SLC8B1: variants seen among roughly 807,000 people sequenced by gnomAD.
SLC8B1 encodes the protein mitochondrial sodium/calcium exchanger protein.
Under a neutral mutation model 63.4 loss-of-function variants are expected in SLC8B1, and 52 were observed. That is an observed-to-expected ratio of 0.82 (90% CI 0.66 to 1.03). The LOEUF (loss-of-function observed/expected upper bound fraction) is 1.03. SLC8B1 is among the 50% of genes least tolerant of loss of function. SLC8B1 has a pLI of 0.00. For synonymous variants in SLC8B1, 336 were observed against 323.9 expected, an observed-to-expected ratio of 1.04 and a Z score of -0.40; for missense variants, 657 against 741.7, an observed-to-expected ratio of 0.89 and a Z score of 1.33.
chr12:113,318,850 A>T, intron 8 of SLC8B1, 114 bp downstream of exon 8: 1 of 738,628 alleles, frequency 1.4e-6, no homozygotes, highest in Non-Finnish European at 2.3e-6. Context: ...AAGAGCATGA[A>T]GAGGAGATGA....
intron 11 of SLC8B1, among the ~76,000 whole-genome samples, chr12:113,314,338 A>G (rs987888912): frequency 1.1e-4 from 16 of 152,248 alleles, no homozygotes; most frequent in Admixed American, 9.8e-4. Flanking sequence ...ACAGCACACA[A>G]CACCATGCCC....
chr12:113,304,228 G>A, intron 15 of SLC8B1, 93 bp downstream of exon 15: 1 of 1,181,402 alleles, frequency 8.5e-7, no homozygotes, highest in South Asian at 1.3e-5. Flanking sequence ...CTTAAGTGAT[G>A]GGACCCAGAT....
rs60824560 is a variant in SLC8B1, at chr12:113,306,066, C to CAAAAAAAA, written c.1492+421_1492+428dup. ...CGAGCCAGACTCCGTCCCCACCCTG[C>CAAAAAAAA]AAAAAAAAAAAAAAAAAAAAAAAAA... On this transcript the variant is annotated intron_variant, in intron 14 of 15. Coordinates refer to ENST00000680972, the MANE Select transcript of SLC8B1 (RefSeq NM_001358345.2). 2.2e-4 allele frequency among the ~76,000 whole-genome samples: 4 copies of CAAAAAAAA among 18,086 alleles called. 1 individual carries two copies. Among genetic ancestry groups the CAAAAAAAA allele is most frequent in the Non-Finnish European group, 4.9e-4 (4 of 8,176 alleles). The allele number at this position is 18,086 out of a possible 152,430, so 11.9% of individuals were successfully genotyped here.
At chr12:113,329,155 C>T (rs1957029538) in intron 2 of SLC8B1, among the ~76,000 whole-genome samples, 2 of 152,314 alleles carry the variant, frequency 1.3e-5, no homozygotes, top group South Asian at 4.1e-4. Flanking sequence ...TGCTGGGCAT[C>T]ATCTCACCCA....
Position 113,315,473 on chromosome 12 carries a change from G to A in SLC8B1, c.997C>T (p.Pro333Ser). 6.3e-7 allele frequency: 1 copy of A among 1,592,312 alleles called. No individual in the cohort carries two copies. Among genetic ancestry groups the A allele is most frequent in the South Asian group, 1.1e-5 (1 of 87,320 alleles). The change falls in exon 11 of 16, where the codon CCT becomes TCT. Residue 333 changes from proline to serine, a missense_variant. Physicochemically the swap from Pro to Ser is moderately conservative, Grantham distance 74 (BLOSUM62 -1). Transcript: ENST00000680972. ...YWKALKVFKL[P>S]VEFLLLLTVP... ...GTGAGGAGCAGCAGGAACTCCACAGGCAGCTGTCAAGGGGGCAAAAGTGGG... is the reference window on the plus strand; with the variant it reads ...GTGAGGAGCAGCAGGAACTCCACAGACAGCTGTCAAGGGGGCAAAAGTGGG...
chr12:113,324,855 C>CA (rs1442242143), intron 2 of SLC8B1, among the ~76,000 whole-genome samples: 5 of 152,084 alleles, frequency 3.3e-5, no homozygotes, highest in Admixed American at 6.6e-5. Context: ...ATGCACACAA[C>CA]ACCACACCTG....
chr12:113,301,929 G>A (rs1229710226), intron 15 of SLC8B1, among the ~76,000 whole-genome samples: 1 of 152,164 alleles, frequency 6.6e-6, no homozygotes, highest in African/African-American at 2.4e-5. Flanking sequence ...ATAAAGGAGT[G>A]GCAGCAGCAG....
rs1956532343 is a variant in SLC8B1 at position 113,299,251 on chromosome 12, CTGTT to C, written c.*522_*525del. 6.3e-6 allele frequency: 1 copy of C among 158,324 alleles called. No homozygotes were observed. The highest frequency in any genetic ancestry group is 5.9e-5 in the Admixed American group (1 of 16,824). The allele number at this position is 158,324 out of a possible 1,614,324, so 9.8% of individuals were successfully genotyped here. ...TTCAAAATTAAGTATGTCTCGAATT[CTGTT>C]TGTGGCAGATGGTGCGGCTCTGGAG... On this transcript the variant is annotated 3_prime_UTR_variant, in exon 16 of 16. Transcript: ENST00000680972.
intron 1 of SLC8B1, among the ~76,000 whole-genome samples, chr12:113,333,227 A>C (rs1957080646): frequency 6.6e-6 from 1 of 152,214 alleles, no homozygotes; most frequent in Non-Finnish European, 1.5e-5. Context: ...CCAGAATGCC[A>C]GGGCTGCAAG....
intron 11 of SLC8B1, among the ~76,000 whole-genome samples, chr12:113,311,697 AT>A (rs58060872): frequency 0.3 from 28,115 of 95,050 alleles, 4,345 homozygotes; most frequent in East Asian, 0.69. Context: ...GTCAAGGGGG[AT>A]TTTTTTTTTT....
chr12:113,330,319 G>A (rs950762805), intron 2 of SLC8B1, among the ~76,000 whole-genome samples: 1 of 152,202 alleles, frequency 6.6e-6, no homozygotes, highest in South Asian at 2.1e-4. Flanking sequence ...CAGCCTGCAG[G>A]CTCCCTGGAT....
In SLC8B1 at chr12:113,320,763, C is replaced by G; in HGVS notation, c.421-77G>C. The G allele has an allele frequency of 6.3e-7, 1 of 1,578,150 alleles. No individual in the cohort carries two copies. ...GCCTTCGACCCTATCCCCCAGCTTCCCCACACGGGGATAGACATGACCCTA... is the reference window on the plus strand; with the variant it reads ...GCCTTCGACCCTATCCCCCAGCTTCGCCACACGGGGATAGACATGACCCTA... On this transcript the variant is annotated intron_variant, in intron 5 of 15. Transcript: ENST00000680972. The surrounding 1 kb of genome is among the most constrained non-coding windows in gnomAD (Gnocchi z 5.3).
chr12:113,333,865 T>C (rs1236049071), intron 1 of SLC8B1, among the ~76,000 whole-genome samples: 2 of 152,284 alleles, frequency 1.3e-5, no homozygotes, highest in South Asian at 2.1e-4. Flanking sequence ...CACACCACCA[T>C]GCCCAGCTAA....
chr12:113,305,909 A>G lies in SLC8B1; in HGVS notation c.1492+586T>C, dbSNP rs1187576618. On this transcript the variant is annotated intron_variant, in intron 14 of 15. Coordinates refer to ENST00000680972, the MANE Select transcript of SLC8B1 (RefSeq NM_001358345.2). This position sits in a 1 kb window ranked among gnomAD's most constrained non-coding sequence, Gnocchi z 4.3. ...CCCTGTCTCTACTAAAAATACAAAA[A>G]TTAGCTGGGCGTGGTCGTGGGCGCC... Among the ~76,000 whole-genome samples the G allele has an allele frequency of 6.6e-6, 1 of 151,856 alleles. No individual in the cohort carries two copies. Among genetic ancestry groups the G allele is most frequent in the African/African-American group, 2.4e-5 (1 of 41,334 alleles).
chr12:113,319,647 C>T (rs1956892558), intron 7 of SLC8B1, among the ~76,000 whole-genome samples: 1 of 152,172 alleles, frequency 6.6e-6, no homozygotes, highest in Non-Finnish European at 1.5e-5. Flanking sequence ...TCTCGGTTTC[C>T]CTTGCTGGTT....
At position 113,305,733 on chromosome 12, in the gene SLC8B1, CA is replaced by C. The variant is rs1249156307; in HGVS notation, c.1492+761del. On this transcript the variant is annotated intron_variant, in intron 14 of 15. Coordinates refer to ENST00000680972, the MANE Select transcript of SLC8B1 (RefSeq NM_001358345.2). The surrounding 1 kb of genome is among the most constrained non-coding windows in gnomAD (Gnocchi z 4.3). ...CTATAGCAGCAGAGTTGAGTAGCTG[CA>C]AAACCGCCTGCATGGCCCCCAAAGT... Among the ~76,000 whole-genome samples, 1 of 152,174 alleles carries C rather than the reference CA, an allele frequency of 6.6e-6. No homozygotes were observed. The highest frequency in any genetic ancestry group is 2.4e-5 in the African/African-American group (1 of 41,442).
intron 15 of SLC8B1, among the ~76,000 whole-genome samples, chr12:113,303,114 GACACACACACACACAC>G (rs57763094): frequency 7.1e-6 from 1 of 140,860 alleles, no homozygotes. Context: ...AAAGGCGGTG[GACACACACACACACAC>G]ACACACACAC....
intron 2 of SLC8B1, among the ~76,000 whole-genome samples, chr12:113,323,802 C>G (rs1314118979): frequency 6.6e-6 from 1 of 152,146 alleles, no homozygotes; most frequent in Admixed American, 6.6e-5. Flanking sequence ...AACCACAGTT[C>G]CACCTCCTCC....
At position 113,307,607 on chromosome 12, in the gene SLC8B1, C is replaced by T. The variant is rs753391536; in HGVS notation, c.1411+84G>A. On this transcript the variant is annotated intron_variant, in intron 13 of 15. Transcript: ENST00000680972. ...GGGCAGACACCCTGGACACTCCTGC[C>T]CAGATGCGACTCTGGCTGGGGGAGG... is the stretch of plus-strand genomic sequence containing the variant. 9.9e-4 allele frequency: 1,508 copies of T among 1,523,068 alleles called. 2 individuals are homozygous for T. The highest frequency in any genetic ancestry group is 1.2e-3 in the Non-Finnish European group (1,395 of 1,124,806). The allele number at this position is 1,523,068 out of a possible 1,614,324, so 94.3% of individuals were successfully genotyped here.
Sources: gnomAD v4.1 joint callset for allele counts (sites outside exome capture counted in the v4.1 genomes callset) on GRCh38, gnomAD v4.1.1 for gene constraint, Gnocchi (gnomAD v3.1) non-coding constraint, MANE v1.5 for transcripts, NCBI Gene and HGNC (gene_info 2026-07-23, HGNC 2026-07-21) for gene names.